The following SETD1A variants were observed in gnomAD, a reference collection of about 807,000 sequenced individuals.
SETD1A encodes SET domain containing 1A, histone lysine methyltransferase.
SETD1A carries 29 observed loss-of-function variants against 149.9 expected under a neutral mutation model. The observed-to-expected ratio is 0.19, with a 90% confidence interval of 0.14 to 0.26. The LOEUF (loss-of-function observed/expected upper bound fraction) is 0.26, where lower values mean the gene tolerates loss of function less well. Ranked by LOEUF, SETD1A falls within the 10% of genes least tolerant of loss-of-function variation. SETD1A has a pLI of 1.00. For missense variants in SETD1A, 2,109 were observed against 2,353.1 expected (o/e 0.90, Z 2.15); for synonymous variants, 1,141 against 968.5 (o/e 1.18, Z -3.31).
Position 30,961,557 on chromosome 16 carries a change from C to A in SETD1A, c.517+20C>A. 1 of 1,609,940 alleles carries A rather than the reference C, an allele frequency of 6.2e-7. No individual in the cohort carries two copies. Among genetic ancestry groups the A allele is most frequent in the Non-Finnish European group, 8.5e-7 (1 of 1,178,220 alleles). ...TCAAAGGTGAGGACTCCTCTGCCTG[C>A]CACTCAGGCTTGGCCTCCAGCGGAG... On this transcript the variant is annotated intron_variant, in intron 4 of 18. Coordinates refer to ENST00000262519, the MANE Select transcript of SETD1A (RefSeq NM_014712.3). The surrounding 1 kb of genome is among the most constrained non-coding windows in gnomAD (Gnocchi z 4.0).
chr16:30,978,272 CAA>C (rs72209091), intron 13 of SETD1A, among the ~76,000 whole-genome samples: 31 of 96,606 alleles, frequency 3.2e-4, no homozygotes, highest in Admixed American at 5.6e-4. Flanking sequence ...GACCCCATCT[CAA>C]AAAAAAAAAA....
intron 13 of SETD1A, among the ~76,000 whole-genome samples, chr16:30,973,866 C>T (rs1388580131): frequency 6.6e-6 from 1 of 152,092 alleles, no homozygotes; most frequent in Non-Finnish European, 1.5e-5. Context: ...CATTGGGTAG[C>T]AGAAGGGCCT....
At chr16:30,973,022 T>C (rs1596685001) in intron 13 of SETD1A, among the ~76,000 whole-genome samples, 1 of 152,236 alleles carries the variant, frequency 6.6e-6, no homozygotes, top group South Asian at 2.1e-4. Context: ...CACGGCTGGC[T>C]TAGCGTGTGC....
In SETD1A at chr16:30,965,377, A is replaced by G. The variant is rs752507036; in HGVS notation, c.1635A>G (p.Pro545=). The change falls in exon 7 of 19, where the codon CCA becomes CCG. Residue 545 remains proline (P), a synonymous_variant. Coordinates refer to ENST00000262519, the MANE Select transcript of SETD1A (RefSeq NM_014712.3). ...GHGPCTPPPA[P]ANFEDVAPTG... The stretch of plus-strand genomic sequence containing the variant: ...GGCCCTGCACACCCCCTCCGGCCCC[A>G]GCTAATTTTGAGGATGTGGCACCTA... 1 of 1,607,830 alleles carries G rather than the reference A, an allele frequency of 6.2e-7. No individual in the cohort carries two copies. The highest frequency in any genetic ancestry group is 1.7e-5 in the Admixed American group (1 of 59,744).
Position 30,967,041 on chromosome 16 carries a change from T to C in SETD1A, c.2663T>C (p.Leu888Pro). 1.3e-6 allele frequency: 2 copies of C among 1,590,576 alleles called. No individual in the cohort carries two copies. The highest frequency in any genetic ancestry group is 1.7e-6 in the Non-Finnish European group (2 of 1,170,244). Residue 888 changes from leucine (L) to proline (P), a missense_variant, in exon 9 of 19, where the codon CTG becomes CCG. Around this residue, in one of 8 missense-constraint regions of SETD1A, gnomAD observed 832 missense variants for 815.6 expected, o/e 1.02. Transcript: ENST00000262519. ...FAFGSGLRGA[L>P]RLPSFKVKRK... ...TTTGGGTCAGGGCTGAGAGGGGCCC[T>C]GCGGCTGCCTTCATTCAAGGTACTC...
rs1485503315 is a variant in SETD1A, at chr16:30,965,617, C to G, written c.1736C>G (p.Ser579Cys). The part of the protein sequence containing the change: ...NGQNQASPCS[S>C]GDDMEISDDD... ...CCCCCGCAGGCTTCTCCATGCTCTT[C>G]TGGAGACGACATGGAGATCTCCGAC... Residue 579 changes from serine (S) to cysteine (C), a missense_variant, in exon 8 of 19, where the codon TCT (serine) becomes TGT (cysteine). Coordinates refer to ENST00000262519, the MANE Select transcript of SETD1A (RefSeq NM_014712.3). 7 of 1,613,014 alleles carry G rather than the reference C, an allele frequency of 4.3e-6. No homozygotes were observed. The highest frequency in any genetic ancestry group is 5.1e-6 in the Non-Finnish European group (6 of 1,179,686).
intron 8 of SETD1A, among the ~76,000 whole-genome samples, 170 bp downstream of exon 8, chr16:30,966,556 A>G (rs940949771): frequency 6.6e-6 from 1 of 152,216 alleles, no homozygotes; most frequent in African/African-American, 2.4e-5. Context: ...GGGACAGAGA[A>G]GCAGGCACAG....
At position 30,958,748 on chromosome 16, in the gene SETD1A, G is replaced by A. The variant is rs2056003066; in HGVS notation, c.17G>A (p.Gly6Glu). 4 of 1,614,164 alleles carry A rather than the reference G, an allele frequency of 2.5e-6. No homozygotes were observed. The highest frequency in any genetic ancestry group is 3.4e-6 in the Non-Finnish European group (4 of 1,179,990). The part of the protein sequence containing the change: MDQEG[G>E]GDGQKAPSFQ... Reference sequence around the variant, plus strand: ...TGAGCAAAGATGGATCAGGAAGGTGGGGGAGATGGGCAGAAGGCCCCGAGC... The same window carrying A: ...TGAGCAAAGATGGATCAGGAAGGTGAGGGAGATGGGCAGAAGGCCCCGAGC... The change falls in exon 2 of 19, where the codon GGG (glycine) becomes GAG (glutamate). Residue 6 changes from glycine to glutamate, a missense_variant. Gly to Glu is a moderately conservative substitution (Grantham distance 98). Transcript: ENST00000262519.
In SETD1A at chr16:30,965,717, G is replaced by GCCT. The variant is rs760683767; in HGVS notation, c.1845_1847dup (p.Pro616dup). 11 of 446,708 alleles carry GCCT rather than the reference G, an allele frequency of 2.5e-5. No individual in the cohort carries two copies. The highest frequency in any genetic ancestry group is 4.5e-5 in the Admixed American group (1 of 22,418). 27.7% of individuals were successfully genotyped at this position (446,708 alleles called of 1,614,324 possible). A position where few individuals can be genotyped will look rare whatever the true frequency, so the allele number is the denominator to read the frequency against. ...CTCCGCCACCTCCCCCTCCCCCGCC[G>GCCT]CCTCCTCCTCCCTACCTGGCGTCCC... On this transcript the variant is annotated inframe_insertion, in exon 8 of 19. Transcript: ENST00000262519.
chr16:30,966,870 A>G lies in SETD1A; in HGVS notation c.2506-14A>G. On this transcript the variant is annotated splice_polypyrimidine_tract_variant and intron_variant, in intron 8 of 18. Coordinates refer to ENST00000262519, the MANE Select transcript of SETD1A (RefSeq NM_014712.3). ...GTTCTGGGCGCTGGGGCTCAGCCCCACTGCTGCCTGCAGCCATTCCAGAAC... is the reference window on the plus strand; with the variant it reads ...GTTCTGGGCGCTGGGGCTCAGCCCCGCTGCTGCCTGCAGCCATTCCAGAAC... The G allele has an allele frequency of 6.5e-7, 1 of 1,544,462 alleles. No individual in the cohort carries two copies. The highest frequency in any genetic ancestry group is 8.7e-7 in the Non-Finnish European group (1 of 1,143,680).
intron 13 of SETD1A, among the ~76,000 whole-genome samples, chr16:30,978,361 A>G (rs1342190937): frequency 6.6e-6 from 1 of 151,368 alleles, no homozygotes; most frequent in Admixed American, 6.6e-5. Context: ...GATTGGTGTT[A>G]GGCACAAAAT....
rs761903765 is a variant in SETD1A, at chr16:30,964,215, A to G, written c.761A>G (p.Gln254Arg). ...SQDTSFSSSR[Q>R]DTPSSFGQFT... ...GACACAAGCTTCTCCAGCAGCCGAC[A>G]AGATACCCCATCTTCCTTTGGCCAG... is the stretch of plus-strand genomic sequence containing the variant. The change falls in exon 6 of 19, where the codon CAA becomes CGA. Residue 254 changes from glutamine (Q) to arginine (R), a missense_variant. Physicochemically the swap from Gln to Arg is conservative, Grantham distance 43. This residue lies in a region of SETD1A where 410 missense variants were observed against 394.8 expected (regional missense o/e 1.04). Coordinates refer to ENST00000262519, the MANE Select transcript of SETD1A (RefSeq NM_014712.3). 5 of 1,614,020 alleles carry G rather than the reference A, an allele frequency of 3.1e-6. No individual in the cohort carries two copies. Among genetic ancestry groups the G allele is most frequent in the East Asian group, 2.2e-5 (1 of 44,862 alleles).
chr16:30,971,509 T>C lies in SETD1A; in HGVS notation c.3148T>C (p.Ser1050Pro). The C allele has an allele frequency of 6.2e-7, 1 of 1,613,714 alleles. No individual in the cohort carries two copies. ...CTCATCCTCCTCCTCCTCCTCGTCC[T>C]CATCCTCCTCGTCCTCTTCATCCTC... ...SSSSSSSSSS[S>P]SSSSSSSSES... Residue 1050 changes from serine to proline, a missense_variant, in exon 13 of 19, where the codon TCA (serine) becomes CCA (proline). Coordinates refer to ENST00000262519, the MANE Select transcript of SETD1A (RefSeq NM_014712.3).
chr16:30,966,031 C>G lies in SETD1A; in HGVS notation c.2150C>G (p.Pro717Arg), dbSNP rs201417801. The change falls in exon 8 of 19, where the codon CCG becomes CGG. Residue 717 changes from proline to arginine, a missense_variant. Pro to Arg is a moderately radical substitution (Grantham distance 103). This residue lies in a region of SETD1A where 431 missense variants were observed against 388.6 expected (regional missense o/e 1.11). Transcript: ENST00000262519. ...PGGAFGEAFL[P>R]FPPPQEAAYG... ...GGGGCCTTTGGGGAGGCCTTCCTCC[C>G]GTTTCCACCCCCGCAGGAGGCAGCC... The G allele has an allele frequency of 1.3e-6, 2 of 1,565,662 alleles. No individual in the cohort carries two copies. Among genetic ancestry groups the G allele is most frequent in the Non-Finnish European group, 1.7e-6 (2 of 1,155,868 alleles).
intron 9 of SETD1A, among the ~76,000 whole-genome samples, 187 bp downstream of exon 9, chr16:30,967,247 G>A (rs1174140729): frequency 2.0e-5 from 3 of 152,074 alleles, no homozygotes; most frequent in Admixed American, 6.6e-5. Flanking sequence ...TCCGCCTCCC[G>A]GGTTCAAGCG....
At chr16:30,981,802 C>A (rs2056381690) in intron 17 of SETD1A, among the ~76,000 whole-genome samples, 1 of 152,162 alleles carries the variant, frequency 6.6e-6, no homozygotes, top group African/African-American at 2.4e-5. Flanking sequence ...AATACAAAAG[C>A]TAGCCGGGCG....
chr16:30,980,117 G>A lies in SETD1A; in HGVS notation c.4331G>A (p.Arg1444Gln), dbSNP rs747796298. 5.0e-6 allele frequency: 8 copies of A among 1,613,288 alleles called. No individual in the cohort carries two copies. Among genetic ancestry groups the A allele is most frequent in the South Asian group, 3.3e-5 (3 of 91,044 alleles). ...GACTCAGAGGACATGAGTTACCTGC[G>A]GCTTACGTACGAGCGGCTGCTGCAG... The part of the protein sequence containing the change: ...GLDSEDMSYL[R>Q]LTYERLLQQT... Residue 1444 changes from arginine (R) to glutamine (Q), a missense_variant, in exon 14 of 19, where the codon CGG becomes CAG. This residue lies in a region of SETD1A where 254 missense variants were observed against 409.3 expected (regional missense o/e 0.62). Coordinates refer to ENST00000262519, the MANE Select transcript of SETD1A (RefSeq NM_014712.3). The surrounding 1 kb of genome is among the most constrained non-coding windows in gnomAD (Gnocchi z 7.7).
rs1183754716 is a variant in SETD1A at position 30,961,605 on chromosome 16, A to G, written c.517+68A>G. On this transcript the variant is annotated intron_variant, in intron 4 of 18. Transcript: ENST00000262519. The surrounding 1 kb of genome is among the most constrained non-coding windows in gnomAD (Gnocchi z 4.0). ...GAGGTTGTACATGCAAATGCCTGTC[A>G]GGGTCAGGCAGGCGCCCAGGGTCAT... is the stretch of plus-strand genomic sequence containing the variant. 1.5e-5 allele frequency: 22 copies of G among 1,445,514 alleles called. No homozygotes were observed. The highest frequency in any genetic ancestry group is 1.2e-5 in the Non-Finnish European group (13 of 1,047,202). 89.5% of individuals were successfully genotyped at this position (1,445,514 alleles called of 1,614,324 possible).
Position 30,964,551 on chromosome 16 carries a change from A to C in SETD1A, c.870-61A>C. ...AGAGGGGCTTTGGGCCCTGGGACCCAGTACGCTGTGGTTTGGTCATAGAGA... is the reference window on the plus strand; with the variant it reads ...AGAGGGGCTTTGGGCCCTGGGACCCCGTACGCTGTGGTTTGGTCATAGAGA... On this transcript the variant is annotated intron_variant, in intron 6 of 18. Transcript: ENST00000262519. 2 of 1,571,330 alleles carry C rather than the reference A, an allele frequency of 1.3e-6. 1 individual carries two copies. Among genetic ancestry groups the C allele is most frequent in the Middle Eastern group, 3.4e-4 (2 of 5,852 alleles).
Sources: allele counts gnomAD v4.1 joint callset (sites outside exome capture counted in the v4.1 genomes callset), GRCh38; gene constraint gnomAD v4.1.1; regional missense constraint gnomAD v4.1.1; non-coding constraint Gnocchi (gnomAD v3.1); transcripts MANE v1.5; gene names NCBI Gene and HGNC (gene_info 2026-07-23, HGNC 2026-07-21).